The following THEMIS variants were observed in gnomAD, a reference collection of about 807,000 sequenced individuals.
THEMIS encodes protein THEMIS.
A neutral mutation model predicts 52.6 loss-of-function variants in THEMIS; 37 were observed. That is an observed-to-expected ratio of 0.70 (90% CI 0.54 to 0.93). The LOEUF (loss-of-function observed/expected upper bound fraction) is 0.93. Ranked by LOEUF, THEMIS falls within the 40% of genes least tolerant of loss-of-function variation. The probability of loss-of-function intolerance (pLI) is 0.00; values close to 1 mark genes in which losing one functional copy is unlikely to be tolerated. For synonymous variants in THEMIS, 292 were observed against 272.7 expected, an observed-to-expected ratio of 1.07 and a Z score of -0.70; for missense variants, 808 against 763.1, an observed-to-expected ratio of 1.06 and a Z score of -0.69.
At chr6:127,729,944 A>T (rs1450093446) in intron 4 of THEMIS, among the ~76,000 whole-genome samples, 2 of 152,172 alleles carry the variant, frequency 1.3e-5, no homozygotes. Context: ...TGGCTAATAC[A>T]TTTTGATCTA....
intron 5 of THEMIS, among the ~76,000 whole-genome samples, 158 bp from the exon 6 acceptor site, chr6:127,710,174 A>G (rs1487493851): frequency 1.3e-5 from 2 of 151,922 alleles, no homozygotes; most frequent in African/African-American, 2.4e-5. Flanking sequence ...AAGAAAAAAA[A>G]AAAAGAAACA....
At chr6:127,778,119 G>A (rs1283894272) in intron 4 of THEMIS, among the ~76,000 whole-genome samples, 1 of 152,040 alleles carries the variant, frequency 6.6e-6, no homozygotes, top group Admixed American at 6.6e-5. Flanking sequence ...CAGTGCTGAA[G>A]GAATTTTTGA....
intron 1 of THEMIS, among the ~76,000 whole-genome samples, chr6:127,887,634 T>C (rs1271367909): frequency 6.6e-6 from 1 of 152,150 alleles, no homozygotes; most frequent in Admixed American, 6.6e-5. Flanking sequence ...TTACTTTATA[T>C]GAAATGTCTA....
At chr6:127,735,569 A>G (rs975525799) in intron 4 of THEMIS, among the ~76,000 whole-genome samples, 1 of 152,160 alleles carries the variant, frequency 6.6e-6, no homozygotes, top group Non-Finnish European at 1.5e-5. Flanking sequence ...TTCAAAGTCA[A>G]CATTGTGGAT....
chr6:127,792,689 G>A (rs1276399461), intron 4 of THEMIS, among the ~76,000 whole-genome samples: 3 of 152,096 alleles, frequency 2.0e-5, no homozygotes, highest in African/African-American at 7.2e-5. Context: ...CCCCAAAACA[G>A]ACTGCCTTTT....
downstream of THEMIS, chr6:127,707,941 A>ATAAT (rs1346076155): frequency 3.3e-5 from 5 of 152,162 alleles, no homozygotes; most frequent in South Asian, 2.1e-4. Flanking sequence ...GCCAATATTA[A>ATAAT]TAATTGGTAG....
intron 4 of THEMIS, among the ~76,000 whole-genome samples, chr6:127,787,894 TAG>T (rs1458193163): frequency 1.4e-5 from 2 of 147,890 alleles, no homozygotes; most frequent in Non-Finnish European, 3.0e-5. Flanking sequence ...GATAGATAGA[TAG>T]ATAGATAGAT....
At chr6:127,739,269 A>C (rs567479335) in intron 4 of THEMIS, among the ~76,000 whole-genome samples, 3 of 152,336 alleles carry the variant, frequency 2.0e-5, no homozygotes, top group African/African-American at 7.2e-5. Context: ...AGCCCAAGAT[A>C]AAAAATGAAT....
At chr6:127,791,532 A>G (rs1777157272) in intron 4 of THEMIS, among the ~76,000 whole-genome samples, 1 of 152,166 alleles carries the variant, frequency 6.6e-6, no homozygotes, top group African/African-American at 2.4e-5. Flanking sequence ...AGCAAGCTCC[A>G]TTAAGTTCTC....
intron 3 of THEMIS, among the ~76,000 whole-genome samples, chr6:127,818,736 T>C (rs555139863): frequency 1.6e-3 from 245 of 151,684 alleles, no homozygotes; most frequent in Non-Finnish European, 3.1e-3. Flanking sequence ...AGGAGTATAA[T>C]GGAAAAAGGG....
intron 4 of THEMIS, among the ~76,000 whole-genome samples, chr6:127,790,075 G>A (rs1474692170): frequency 1.3e-5 from 2 of 152,224 alleles, no homozygotes; most frequent in Non-Finnish European, 2.9e-5. Flanking sequence ...CAGGAAGAGA[G>A]AAAGCCAAAT....
At chr6:127,903,794 T>C (rs1781204538), upstream of THEMIS, among the ~76,000 whole-genome samples, 1 of 151,072 alleles carries the variant, frequency 6.6e-6, no homozygotes. Flanking sequence ...TAAAGGCCAC[T>C]TGTTAGTCAA....
intron 2 of THEMIS, among the ~76,000 whole-genome samples, chr6:127,837,585 C>T (rs1329308575): frequency 6.6e-6 from 1 of 151,704 alleles, no homozygotes; most frequent in Admixed American, 6.6e-5. Context: ...GTTTGTGTTT[C>T]TGTGTGCATG....
chr6:127,711,175 C>A (rs895494171), intron 5 of THEMIS, among the ~76,000 whole-genome samples: 7 of 151,066 alleles, frequency 4.6e-5, no homozygotes, highest in African/African-American at 1.7e-4. Context: ...TTATATGCCT[C>A]ATTTTCTCAT....
chr6:127,745,334 A>G (rs1290119121), intron 4 of THEMIS, among the ~76,000 whole-genome samples: 1 of 151,932 alleles, frequency 6.6e-6, no homozygotes, highest in Non-Finnish European at 1.5e-5. Context: ...CATTAAATTG[A>G]CAATCAAAAT....
At chr6:127,764,426 A>T (rs1005794305) in intron 4 of THEMIS, among the ~76,000 whole-genome samples, 35 of 152,136 alleles carry the variant, frequency 2.3e-4, no homozygotes, top group African/African-American at 7.7e-4. Flanking sequence ...GCATGTCTGC[A>T]GCAGACTCCT....
chr6:127,853,473 G>C (rs781122266), intron 2 of THEMIS, among the ~76,000 whole-genome samples: 2 of 151,534 alleles, frequency 1.3e-5, no homozygotes, highest in Admixed American at 1.3e-4. Flanking sequence ...CTAATGTGCA[G>C]CCAAATTTGA....
chr6:127,853,762 A>C (rs547689148), intron 2 of THEMIS, among the ~76,000 whole-genome samples: 1 of 151,780 alleles, frequency 6.6e-6, no homozygotes, highest in Admixed American at 6.6e-5. Context: ...AACACTAAAT[A>C]TATTTCAATA....
intron 4 of THEMIS, among the ~76,000 whole-genome samples, chr6:127,732,661 C>G (rs1033562647): frequency 2.0e-5 from 3 of 152,186 alleles, no homozygotes; most frequent in Admixed American, 1.3e-4. Flanking sequence ...ATAACATATT[C>G]TTTTGTGTCT....
Sources: allele counts gnomAD v4.1 joint callset (sites outside exome capture counted in the v4.1 genomes callset), GRCh38; gene constraint gnomAD v4.1.1; transcripts MANE v1.5; gene names NCBI Gene and HGNC (gene_info 2026-07-23, HGNC 2026-07-21).